The following MDH2 variants were observed in gnomAD, a reference collection of about 807,000 sequenced individuals.
MDH2 encodes malate dehydrogenase, mitochondrial.
In MDH2, 25 loss-of-function variants were observed where a neutral mutation model predicts 33.6. The observed-to-expected ratio is 0.74, with a 90% CI of 0.54 to 1.04. MDH2 has a LOEUF of 1.04. Among genes scored for constraint, MDH2 ranks in the 50% least tolerant of loss-of-function variants. MDH2 has a pLI of 0.00. For synonymous variants in MDH2, 193 were observed against 188.7 expected (o/e 1.02, Z -0.19); for missense variants, 432 against 445.0 (o/e 0.97, Z 0.26).
At chr7:76,058,621 CACA>C (rs1554586612) in intron 4 of MDH2, among the ~76,000 whole-genome samples, 2 of 152,204 alleles carry the variant, frequency 1.3e-5, no homozygotes, top group Admixed American at 1.3e-4. Flanking sequence ...GTAAAACAAT[CACA>C]ACAAGATACT....
chr7:76,054,025 T>TTTGG (rs1438868835), intron 1 of MDH2, among the ~76,000 whole-genome samples: 1 of 152,186 alleles, frequency 6.6e-6, no homozygotes, highest in Non-Finnish European at 1.5e-5. Context: ...TCTCAAACTG[T>TTTGG]TTGGTATCAA....
At chr7:76,055,133 G>A in intron 2 of MDH2, 135 bp downstream of exon 2, 1 of 1,015,418 alleles carries the variant, frequency 9.8e-7, no homozygotes, top group East Asian at 2.7e-5. Flanking sequence ...AATTTTACAA[G>A]TGATTACACC....
In MDH2 at chr7:76,048,369, G is replaced by A. The variant is rs1396587533; in HGVS notation, c.66+143G>A. ...GCACTGGCTGGAGACTGTGGCGCCCGGGGCAGGCCCTGACACTGGCCTGGA... is the reference window on the plus strand; with the variant it reads ...GCACTGGCTGGAGACTGTGGCGCCCAGGGCAGGCCCTGACACTGGCCTGGA... On this transcript the variant is annotated intron_variant, in intron 1 of 8. Transcript: ENST00000315758. The A allele has an allele frequency of 3.9e-6, 5 of 1,281,760 alleles. No homozygotes were observed. In the African/African-American group the frequency reaches 6.3e-5, roughly 16 times the overall value. The allele number at this position is 1,281,760 out of a possible 1,614,324, so 79.4% of individuals were successfully genotyped here.
chr7:76,061,580 C>G (rs1459377236), intron 5 of MDH2, among the ~76,000 whole-genome samples: 1 of 151,576 alleles, frequency 6.6e-6, no homozygotes, highest in African/African-American at 2.4e-5. Flanking sequence ...TTCAAGACTG[C>G]AATGAGCTGT....
chr7:76,066,607 C>A lies in MDH2; in HGVS notation c.*197C>A. ...TTGATTTTATTTTTCAAGGTCCCTT[C>A]TGTAAATGCTGTGCTTTCTTCCCTG... is the stretch of plus-strand genomic sequence containing the variant. On this transcript the variant is annotated 3_prime_UTR_variant, in exon 9 of 9. Coordinates refer to ENST00000315758, the MANE Select transcript of MDH2 (RefSeq NM_005918.4). The A allele has an allele frequency of 1.8e-6, 1 of 560,200 alleles. No homozygotes were observed. The allele number at this position is 560,200 out of a possible 1,614,324, so 34.7% of individuals were successfully genotyped here.
In MDH2 at chr7:76,055,028, C is replaced by T. The variant is rs1637030; in HGVS notation, c.235+30C>T. The stretch of plus-strand genomic sequence containing the variant: ...TGGGCGCGCTGACCCTGGAGACTTG[C>T]TTCCTGTCCCCAGTAGGCCAGGATT... On this transcript the variant is annotated intron_variant, in intron 2 of 8. Coordinates refer to ENST00000315758, the MANE Select transcript of MDH2 (RefSeq NM_005918.4). 3,933 of 1,579,590 alleles carry T rather than the reference C, an allele frequency of 2.5e-3. 90 individuals are homozygous for T. The African/African-American group carries it at 0.048, about 19-fold the overall frequency.
intron 4 of MDH2, among the ~76,000 whole-genome samples, chr7:76,059,325 C>T (rs1797876672): frequency 6.6e-6 from 1 of 152,224 alleles, no homozygotes; most frequent in Non-Finnish European, 1.5e-5. Flanking sequence ...GTAATTAACA[C>T]AGCAGAAAGT....
chr7:76,051,512 G>A (rs1797625972), intron 1 of MDH2, among the ~76,000 whole-genome samples: 1 of 151,700 alleles, frequency 6.6e-6, no homozygotes, highest in African/African-American at 2.4e-5. Context: ...GTAGAGACAG[G>A]GTTTCTCCAT....
intron 1 of MDH2, among the ~76,000 whole-genome samples, chr7:76,054,261 C>G (rs1585401779): frequency 1.3e-5 from 2 of 152,138 alleles, no homozygotes; most frequent in East Asian, 3.9e-4. Flanking sequence ...TAGGCAGCTC[C>G]TTGTCCTGCC....
chr7:76,053,731 C>T (rs1333986372), intron 1 of MDH2, among the ~76,000 whole-genome samples: 1 of 151,986 alleles, frequency 6.6e-6, no homozygotes, highest in Non-Finnish European at 1.5e-5. Context: ...TTGCCTCTTC[C>T]CTCACTGGTA....
At chr7:76,065,211 A>C in intron 8 of MDH2, 1 of 389,312 alleles carries the variant, frequency 2.6e-6, no homozygotes, top group South Asian at 3.8e-5. Context: ...AGGAGTATTG[A>C]CTGATAAGAC....
chr7:76,051,189 T>C (rs1292322587), intron 1 of MDH2, among the ~76,000 whole-genome samples: 1 of 151,458 alleles, frequency 6.6e-6, no homozygotes, highest in Non-Finnish European at 1.5e-5. Flanking sequence ...CCGGCCAGGA[T>C]CTCAGTTTTT....
chr7:76,062,061 C>T (rs995477947), intron 5 of MDH2, among the ~76,000 whole-genome samples: 3 of 152,130 alleles, frequency 2.0e-5, no homozygotes, highest in African/African-American at 4.8e-5. Flanking sequence ...TGGGAGATCC[C>T]GTCCCCCACC....
rs564196030 is a variant in MDH2 at position 76,048,127 on chromosome 7, G to A, written c.-34G>A. On this transcript the variant is annotated 5_prime_UTR_variant, in exon 1 of 9. The change creates a new upstream start codon in the 5' untranslated region. Coordinates refer to ENST00000315758, the MANE Select transcript of MDH2 (RefSeq NM_005918.4). ...AGTCACTTCCCCGTCACCAGCTCCTGTGCCTGCCAGTCGGTGCCCCTCCCG... is the reference window on the plus strand; with the variant it reads ...AGTCACTTCCCCGTCACCAGCTCCTATGCCTGCCAGTCGGTGCCCCTCCCG... 32 of 1,536,624 alleles carry A rather than the reference G, an allele frequency of 2.1e-5. No individual in the cohort carries two copies. The East Asian group carries it at 3.9e-4, about 19-fold the overall frequency.
chr7:76,064,657 G>A, intron 7 of MDH2, 145 bp from the exon 8 acceptor site: 2 of 1,007,050 alleles, frequency 2.0e-6, no homozygotes, highest in Non-Finnish European at 2.9e-6. Context: ...CACCATTCAT[G>A]TATAAGTAAC....
Position 76,066,359 on chromosome 7 carries a change from G to A in MDH2, c.966G>A (p.Glu322=), listed in dbSNP as rs367928631. ...EEKMISDAIP[E]LKASIKKGED... ...AGATGATCTCGGATGCCATCCCCGAGCTGAAGGCCTCCATCAAGAAGGGGG... is the reference window on the plus strand; with the variant it reads ...AGATGATCTCGGATGCCATCCCCGAACTGAAGGCCTCCATCAAGAAGGGGG... The change falls in exon 9 of 9, where the codon GAG becomes GAA. Residue 322 remains glutamate (E), a synonymous_variant. Transcript: ENST00000315758. 80 of 1,609,478 alleles carry A rather than the reference G, an allele frequency of 5.0e-5. 1 individual carries two copies. Among genetic ancestry groups the A allele is most frequent in the Non-Finnish European group, 4.8e-5 (57 of 1,178,594 alleles).
chr7:76,065,043 CA>C (rs1339595057), intron 8 of MDH2, 90 bp downstream of exon 8: 1 of 1,473,096 alleles, frequency 6.8e-7, no homozygotes, highest in Non-Finnish European at 9.4e-7. Flanking sequence ...GCCCTTTATG[CA>C]GTAAGCTCAT....
chr7:76,059,467 T>G (rs1585407455), intron 4 of MDH2, among the ~76,000 whole-genome samples: 1 of 152,088 alleles, frequency 6.6e-6, no homozygotes, highest in African/African-American at 2.4e-5. Flanking sequence ...CACTCACTGG[T>G]TTTTGCAGGT....
chr7:76,064,700 T>C, intron 7 of MDH2, 102 bp from the exon 8 acceptor site: 5 of 1,328,100 alleles, frequency 3.8e-6, no homozygotes, highest in Non-Finnish European at 5.1e-6. Flanking sequence ...AATTCTCCAC[T>C]GTCAGGCTGG....
Sources: allele counts gnomAD v4.1 joint callset (sites outside exome capture counted in the v4.1 genomes callset), GRCh38; gene constraint gnomAD v4.1.1; transcripts MANE v1.5; gene names NCBI Gene and HGNC (gene_info 2026-07-23, HGNC 2026-07-21).